USH2A: variants seen among roughly 807,000 people sequenced by gnomAD.
The protein encoded by USH2A is Usher syndrome 2A (autosomal recessive, mild).
A neutral mutation model predicts 538.9 loss-of-function variants in USH2A; 443 were observed. That is an observed-to-expected ratio of 0.82 (90% CI 0.76 to 0.89). The LOEUF is 0.89. Ranked by LOEUF, USH2A falls within the 40% of genes least tolerant of loss-of-function variation. The pLI is 0.00. For synonymous variants in USH2A, 2,413 were observed against 2,273.5 expected (o/e 1.06, Z -1.75); for missense variants, 6,633 against 6,324.8 (o/e 1.05, Z -1.65).
At position 216,422,342 on chromosome 1, in the gene USH2A, C is replaced by T. The variant is rs764462264; in HGVS notation, c.-6G>A. The T allele has an allele frequency of 1.2e-6, 2 of 1,613,470 alleles. No homozygotes were observed. The highest frequency in any genetic ancestry group is 1.1e-5 in the South Asian group (1 of 91,064). On this transcript the variant is annotated 5_prime_UTR_variant, in exon 2 of 72. Coordinates refer to ENST00000307340, the MANE Select transcript of USH2A (RefSeq NM_206933.4). The stretch of plus-strand genomic sequence containing the variant: ...GAAAGAACTGGGCAATTCATGTTTA[C>T]AAAAAAGCATTCTCCTCCTGATAAA...
intron 3 of USH2A, among the ~76,000 whole-genome samples, chr1:216,370,676 T>TAA (rs1558058395): frequency 5.0e-4 from 3 of 5,994 alleles, no homozygotes; most frequent in African/African-American, 1.5e-3. Flanking sequence ...AGACTCTGTC[T>TAA]CAAAAAAAAA....
At chr1:215,743,425 T>G (rs2102728019) in intron 58 of USH2A, 90 bp from the exon 59 acceptor site, 1 of 413,134 alleles carries the variant, frequency 2.4e-6, no homozygotes, top group Non-Finnish European at 3.8e-6. Context: ...TGTATATATA[T>G]ATAGACACAC....
intron 35 of USH2A, 82 bp from the exon 36 acceptor site, chr1:215,970,858 G>T: frequency 7.3e-7 from 1 of 1,365,758 alleles, no homozygotes; most frequent in South Asian, 1.2e-5. Context: ...CTCTTGATGT[G>T]ATTTCTAGTT....
At position 215,740,600 on chromosome 1, in the gene USH2A, A is replaced by T. The variant is rs79552250; in HGVS notation, c.11711+775T>A. ...TGAAAAGCACCATCTTTGGAGGAGG[A>T]GAAAAAACTTTTTAATCTCTACATA... On this transcript the variant is annotated intron_variant, in intron 60 of 71. Transcript: ENST00000307340. Among the ~76,000 whole-genome samples, 241 of 152,294 alleles carry T rather than the reference A, an allele frequency of 1.6e-3. 8 individuals carry two copies. The East Asian group carries it at 0.039, about 25-fold the overall frequency.
intron 55 of USH2A, among the ~76,000 whole-genome samples, chr1:215,770,997 C>T (rs1661267701): frequency 6.9e-6 from 1 of 144,638 alleles, no homozygotes; most frequent in Non-Finnish European, 1.5e-5. Flanking sequence ...CGTGGTGGTG[C>T]ATGCCTGTAG....
chr1:216,308,413 T>A (rs1169277128), intron 9 of USH2A, among the ~76,000 whole-genome samples: 1 of 152,188 alleles, frequency 6.6e-6, no homozygotes, highest in Non-Finnish European at 1.5e-5. Context: ...ACATTCTTTT[T>A]TTTTAGTTTA....
intron 47 of USH2A, among the ~76,000 whole-genome samples, chr1:215,831,661 G>A (rs919631283): frequency 1.3e-5 from 2 of 151,950 alleles, no homozygotes; most frequent in Non-Finnish European, 2.9e-5. Flanking sequence ...AATAAATGAA[G>A]TGCAATGCAA....
At position 216,326,937 on chromosome 1, in the gene USH2A, C is replaced by T. The variant is rs993408300; in HGVS notation, c.848+654G>A. Among the ~76,000 whole-genome samples, 43 of 152,080 alleles carry T rather than the reference C, an allele frequency of 2.8e-4. 1 individual carries two copies. Among genetic ancestry groups the T allele is most frequent in the African/African-American group, 9.4e-4 (39 of 41,420 alleles). ...ATATCATAAGCTGAAGAAGAAAGTT[C>T]AAAGGCATCCTAAGCAGAATTTCAC... On this transcript the variant is annotated intron_variant, in intron 5 of 71. Coordinates refer to ENST00000307340, the MANE Select transcript of USH2A (RefSeq NM_206933.4).
At chr1:215,726,306 A>C (rs1659815405) in intron 61 of USH2A, among the ~76,000 whole-genome samples, 1 of 152,192 alleles carries the variant, frequency 6.6e-6, no homozygotes, top group Non-Finnish European at 1.5e-5. Context: ...AGGAACTAGA[A>C]GACATAATAT....
At chr1:216,141,811 A>G (rs1305752085) in intron 21 of USH2A, among the ~76,000 whole-genome samples, 1 of 152,292 alleles carries the variant, frequency 6.6e-6, no homozygotes, top group East Asian at 1.9e-4. Context: ...CCCAGACATA[A>G]TATCCAACTG....
chr1:215,933,481 A>G (rs1392590862), intron 38 of USH2A, among the ~76,000 whole-genome samples: 2 of 152,160 alleles, frequency 1.3e-5, no homozygotes, highest in Non-Finnish European at 2.9e-5. Context: ...AGCTTCTGAC[A>G]TTTACAGTTT....
chr1:216,251,302 A>G (rs2036156932), intron 11 of USH2A, among the ~76,000 whole-genome samples: 1 of 152,128 alleles, frequency 6.6e-6, no homozygotes, highest in Admixed American at 6.5e-5. Context: ...TAAAACCCAT[A>G]GAAGTTAGTC....
At chr1:215,966,739 T>A (rs938636635) in intron 36 of USH2A, among the ~76,000 whole-genome samples, 4 of 152,176 alleles carry the variant, frequency 2.6e-5, no homozygotes, top group Admixed American at 1.3e-4. Flanking sequence ...TATGACAATG[T>A]AATTTGTTTT....
chr1:215,851,907 A>G (rs2102828238), intron 44 of USH2A, among the ~76,000 whole-genome samples: 1 of 152,262 alleles, frequency 6.6e-6, no homozygotes. Context: ...TAAATGTGAT[A>G]CACCCCATAA....
rs1553253927 is a variant in USH2A, at chr1:215,693,116, G to GTATATATATATATATA, written c.12067-12756_12067-12741dup. Among the ~76,000 whole-genome samples, 43 of 133,528 alleles carry GTATATATATATATATA rather than the reference G, an allele frequency of 3.2e-4. No individual in the cohort carries two copies. In the South Asian group the frequency reaches 4.8e-3, roughly 15 times the overall value. 87.6% of individuals were successfully genotyped at this position (133,528 alleles called of 152,430 possible). ...TATGTGTGTGTGTGTGTGTGTATGTGTATATATATATATATATACACACAC... is the reference window on the plus strand; with the variant it reads ...TATGTGTGTGTGTGTGTGTGTATGTGTATATATATATATATATATATATATATATATATACACACAC... On this transcript the variant is annotated intron_variant, in intron 61 of 71. Coordinates refer to ENST00000307340, the MANE Select transcript of USH2A (RefSeq NM_206933.4).
intron 44 of USH2A, 97 bp from the exon 45 acceptor site, chr1:215,846,130 A>T: frequency 1.7e-6 from 2 of 1,176,318 alleles, no homozygotes; most frequent in South Asian, 2.7e-5. Context: ...GAAAAAAAGA[A>T]GTTTAGAGAG....
intron 61 of USH2A, among the ~76,000 whole-genome samples, chr1:215,686,287 C>T (rs1248057439): frequency 3.3e-5 from 5 of 151,974 alleles, no homozygotes; most frequent in African/African-American, 9.7e-5. Flanking sequence ...CAGAGAAATA[C>T]TAAGGAAATA....
intron 64 of USH2A, among the ~76,000 whole-genome samples, chr1:215,655,747 TTTC>T (rs1223022534): frequency 5.5e-5 from 8 of 146,642 alleles, no homozygotes; most frequent in South Asian, 4.5e-4. Flanking sequence ...TTTTTTTTTT[TTTC>T]TTTGAGACAG....
intron 38 of USH2A, among the ~76,000 whole-genome samples, chr1:215,908,349 G>A (rs910126695): frequency 1.3e-5 from 2 of 151,876 alleles, no homozygotes; most frequent in Admixed American, 1.3e-4. Context: ...AAACTTCAGA[G>A]CACTTAACAA....
Sources: allele counts gnomAD v4.1 joint callset (sites outside exome capture counted in the v4.1 genomes callset), GRCh38; gene constraint gnomAD v4.1.1; transcripts MANE v1.5; gene names NCBI Gene and HGNC (gene_info 2026-07-23, HGNC 2026-07-21).